MAST4: variants seen among roughly 807,000 people sequenced by gnomAD.
The protein encoded by MAST4 is microtubule-associated serine/threonine-protein kinase 4.
MAST4 carries 89 observed loss-of-function variants against 162.7 expected under a neutral mutation model. The observed-to-expected ratio is 0.55, with a 90% CI of 0.46 to 0.65. MAST4 has a LOEUF of 0.65. MAST4 is among the 30% of genes least tolerant of loss of function. MAST4 has a pLI of 0.00. For synonymous variants in MAST4, 1,479 were observed against 1,361.1 expected, an observed-to-expected ratio of 1.09 and a Z score of -1.91; for missense variants, 3,153 against 3,374.0, an observed-to-expected ratio of 0.93 and a Z score of 1.62.
At position 67,130,775 on chromosome 5, in the gene MAST4, A is replaced by G. The variant is rs143526469; in HGVS notation, c.1954+357A>G. On this transcript the variant is annotated intron_variant, in intron 15 of 28. Transcript: ENST00000403625. ...TACTCATCACAATTAGTCTTCTTAC[A>G]GAAAGAAATATATATTCTTTTCAGT... Among the ~76,000 whole-genome samples the G allele has an allele frequency of 7.2e-5, 11 of 152,350 alleles. No individual in the cohort carries two copies. The East Asian group carries it at 2.1e-3, about 29-fold the overall frequency.
At chr5:66,826,463 G>A (rs1440791221) in intron 3 of MAST4, among the ~76,000 whole-genome samples, 2 of 152,050 alleles carry the variant, frequency 1.3e-5, no homozygotes, top group Admixed American at 6.5e-5. Flanking sequence ...GTGTGTCCTC[G>A]AAATGTCTTC....
At chr5:66,797,144 T>A (rs1302600668) in intron 3 of MAST4, among the ~76,000 whole-genome samples, 1 of 152,240 alleles carries the variant, frequency 6.6e-6, no homozygotes, top group Non-Finnish European at 1.5e-5. Flanking sequence ...TCTGGCATCC[T>A]ATTTCCTCCT....
At chr5:66,910,775 G>A (rs1366461642) in intron 4 of MAST4, among the ~76,000 whole-genome samples, 1 of 101,048 alleles carries the variant, frequency 9.9e-6, no homozygotes, top group Non-Finnish European at 1.8e-5. Flanking sequence ...TTTTTGAGAT[G>A]GAATCTCACT....
intron 1 of MAST4, among the ~76,000 whole-genome samples, chr5:66,743,345 G>C (rs1224849046): frequency 2.0e-5 from 3 of 152,176 alleles, no homozygotes; most frequent in Non-Finnish European, 4.4e-5. Context: ...CGTCTCTTGG[G>C]GACTGGGAAT....
At chr5:66,681,151 CT>C (rs1391554476) in intron 1 of MAST4, among the ~76,000 whole-genome samples, 1 of 152,204 alleles carries the variant, frequency 6.6e-6, no homozygotes, top group Non-Finnish European at 1.5e-5. Flanking sequence ...ATATATCGGG[CT>C]ATCAGATTTA....
At chr5:66,940,600 C>A (rs1283583505) in intron 4 of MAST4, among the ~76,000 whole-genome samples, 1 of 152,146 alleles carries the variant, frequency 6.6e-6, no homozygotes, top group Non-Finnish European at 1.5e-5. Context: ...CAAATTTTAA[C>A]AATTCAGTCA....
intron 3 of MAST4, among the ~76,000 whole-genome samples, chr5:66,830,013 C>T (rs1757497071): frequency 6.6e-6 from 1 of 152,156 alleles, no homozygotes; most frequent in Admixed American, 6.6e-5. Context: ...TGGTTAGTCA[C>T]TGCTGTGGAT....
At position 66,652,894 on chromosome 5, in the gene MAST4, A is replaced by G. The variant is rs1746318180; in HGVS notation, c.363+55876A>G. Among the ~76,000 whole-genome samples the G allele has an allele frequency of 2.0e-5, 3 of 152,228 alleles. No individual in the cohort carries two copies. The South Asian group carries it at 6.2e-4, about 32-fold the overall frequency. On this transcript the variant is annotated intron_variant, in intron 1 of 28. Coordinates refer to ENST00000403625, the MANE Select transcript of MAST4 (RefSeq NM_001164664.2). The stretch of plus-strand genomic sequence containing the variant: ...CTCTCATTGCTTCTCCCCACTAAGT[A>G]CCAACCTTGAACATTTGAATCACTG...
At chr5:66,919,149 T>A (rs1314462605) in intron 4 of MAST4, among the ~76,000 whole-genome samples, 1 of 143,918 alleles carries the variant, frequency 6.9e-6, no homozygotes, top group Non-Finnish European at 1.5e-5. Flanking sequence ...AATTTGAGAT[T>A]CCTTCTAATT....
At chr5:66,727,309 A>G (rs114828576) in intron 1 of MAST4, among the ~76,000 whole-genome samples, 1,868 of 152,256 alleles carry the variant, frequency 0.012, 36 homozygotes, top group African/African-American at 0.042. Flanking sequence ...CTTCCATTCT[A>G]TTTCAATTTC....
At chr5:66,741,411 G>A (rs1330838045) in intron 1 of MAST4, among the ~76,000 whole-genome samples, 3 of 152,114 alleles carry the variant, frequency 2.0e-5, no homozygotes, top group Non-Finnish European at 4.4e-5. Flanking sequence ...CCACAAACCT[G>A]TTCTATAAAG....
chr5:66,695,252 G>A (rs1345714819), intron 1 of MAST4, among the ~76,000 whole-genome samples: 1 of 152,112 alleles, frequency 6.6e-6, no homozygotes, highest in East Asian at 1.9e-4. Context: ...AGTTTTCCCA[G>A]CACCATTTTT....
At chr5:66,817,709 T>C (rs867354533) in intron 3 of MAST4, among the ~76,000 whole-genome samples, 223 of 152,302 alleles carry the variant, frequency 1.5e-3, no homozygotes, top group African/African-American at 5.1e-3. Flanking sequence ...GAGGCATAAT[T>C]GTGAATGTTT....
intron 2 of MAST4, among the ~76,000 whole-genome samples, chr5:66,767,563 A>T (rs1754157724): frequency 1.3e-5 from 2 of 151,956 alleles, no homozygotes; most frequent in Non-Finnish European, 1.5e-5. Flanking sequence ...ACCTGGAGAG[A>T]GTTATTACGG....
chr5:67,119,199 G>A, intron 13 of MAST4, among the ~76,000 whole-genome samples: 1 of 152,128 alleles, frequency 6.6e-6, no homozygotes, highest in Non-Finnish European at 1.5e-5. Flanking sequence ...ATGGGTATAT[G>A]AGGGTGGGAG....
intron 3 of MAST4, among the ~76,000 whole-genome samples, chr5:66,887,579 T>C (rs71626455): frequency 0.014 from 2,105 of 152,308 alleles, 22 homozygotes; most frequent in South Asian, 0.05. Context: ...TACTTTTGTC[T>C]TTGCTTGTCT....
At chr5:66,960,256 C>G (rs1273483672) in intron 4 of MAST4, among the ~76,000 whole-genome samples, 1 of 152,140 alleles carries the variant, frequency 6.6e-6, no homozygotes, top group Non-Finnish European at 1.5e-5. Flanking sequence ...GTAGATGCAT[C>G]ATACAAGAGA....
intron 3 of MAST4, among the ~76,000 whole-genome samples, chr5:66,846,736 G>A (rs985233140): frequency 2.0e-5 from 3 of 152,160 alleles, no homozygotes; most frequent in African/African-American, 7.2e-5. Flanking sequence ...GCCAGAAAAA[G>A]GAGATTTAAA....
chr5:67,050,506 C>T (rs1758042085), intron 4 of MAST4, among the ~76,000 whole-genome samples: 3 of 152,296 alleles, frequency 2.0e-5, no homozygotes, highest in African/African-American at 7.2e-5. Flanking sequence ...CCATTCTTCT[C>T]GGATTCTGTA....
Sources: gnomAD v4.1 joint callset for allele counts (sites outside exome capture counted in the v4.1 genomes callset) on GRCh38, gnomAD v4.1.1 for gene constraint, MANE v1.5 for transcripts, NCBI Gene and HGNC (gene_info 2026-07-23, HGNC 2026-07-21) for gene names.